Variants in PCDHA4 observed in about 807,000 individuals in gnomAD.
The protein encoded by PCDHA4 is protocadherin alpha 4.
PCDHA4 carries 49 observed loss-of-function variants against 61.4 expected under a neutral mutation model. The ratio of observed to expected loss-of-function variants is 0.80; its 90% CI spans 0.63 to 1.01. The LOEUF (loss-of-function observed/expected upper bound fraction) is 1.01, where lower values mean the gene tolerates loss of function less well. Ranked by LOEUF, PCDHA4 falls within the 50% of genes least tolerant of loss-of-function variation. The pLI is 0.00. For missense variants in PCDHA4, 1,254 were observed against 1,235.8 expected, an observed-to-expected ratio of 1.01 and a Z score of -0.22; for synonymous variants, 590 against 550.3, an observed-to-expected ratio of 1.07 and a Z score of -1.01.
chr5:140,896,283 T>TG (rs1440417603), intron 1 of PCDHA4, among the ~76,000 whole-genome samples: 4 of 152,258 alleles, frequency 2.6e-5, no homozygotes, highest in Admixed American at 6.5e-5. Context: ...CTGGCTTGAA[T>TG]GGTAAGTTCT....
At chr5:140,835,531 G>C (rs2150237714) in intron 1 of PCDHA4, 1 of 1,613,964 alleles carries the variant, frequency 6.2e-7, no homozygotes, top group Admixed American at 1.7e-5. Flanking sequence ...GGAGTCAACG[G>C]ACAGGTTACC....
chr5:140,864,968 G>C (rs1354647495), intron 1 of PCDHA4: 1 of 152,146 alleles, frequency 6.6e-6, no homozygotes, highest in Non-Finnish European at 1.5e-5. Flanking sequence ...GAAGCCGAGG[G>C]AGGAGGATCG....
intron 1 of PCDHA4, chr5:140,969,003 G>A: frequency 6.2e-7 from 1 of 1,614,226 alleles, no homozygotes; most frequent in Admixed American, 1.7e-5. Context: ...GGAGGCTTCT[G>A]TGGAGTAAGG....
chr5:140,829,430 G>A (rs1554131952), intron 1 of PCDHA4: 2 of 1,613,974 alleles, frequency 1.2e-6, no homozygotes, highest in African/African-American at 1.3e-5. Context: ...GGAGGTGGCC[G>A]ACATGAATGA....
intron 1 of PCDHA4, chr5:140,829,501 G>A (rs2150169011): frequency 4.3e-6 from 7 of 1,613,442 alleles, no homozygotes; most frequent in Middle Eastern, 1.8e-4. Context: ...ACAACCCGCC[G>A]GGCTGCCACA....
At chr5:140,967,552 T>C (rs782453868) in intron 1 of PCDHA4, 2 of 1,613,908 alleles carry the variant, frequency 1.2e-6, no homozygotes, top group Non-Finnish European at 1.7e-6. Context: ...AGTCCACTTA[T>C]CGCGTCCAGC....
intron 1 of PCDHA4, among the ~76,000 whole-genome samples, chr5:140,898,035 T>G (rs1227571900): frequency 5.9e-5 from 9 of 152,120 alleles, no homozygotes; most frequent in African/African-American, 2.2e-4. Context: ...TTGATGGGGT[T>G]GTTTGTTTTT....
intron 1 of PCDHA4, chr5:140,929,124 C>T: frequency 6.2e-7 from 1 of 1,614,166 alleles, no homozygotes; most frequent in Non-Finnish European, 8.5e-7. Flanking sequence ...CCATAGATGT[C>T]ACTACAGTTG....
chr5:140,977,340 G>T (rs2096757114), intron 1 of PCDHA4, among the ~76,000 whole-genome samples: 1 of 152,198 alleles, frequency 6.6e-6, no homozygotes, highest in African/African-American at 2.4e-5. Context: ...GAGAGACGGT[G>T]ATGATGACTG....
chr5:141,009,745 A>G lies in PCDHA4; in HGVS notation c.2652A>G (p.Lys884=). The G allele has an allele frequency of 6.2e-7, 1 of 1,614,104 alleles. No individual in the cohort carries two copies. The highest frequency in any genetic ancestry group is 8.5e-7 in the Non-Finnish European group (1 of 1,180,006). The part of the protein sequence containing the change: ...KQSGPGELPD[K]FIIPGSPAII... ...CCGGTCCCGGTGAGTTGCCCGACAA[A>G]TTCATTATCCCAGGATCTCCTGCAA... Residue 884 remains lysine, a synonymous_variant, in exon 4 of 4, where the codon AAA becomes AAG. Coordinates refer to ENST00000530339, the MANE Select transcript of PCDHA4 (RefSeq NM_018907.4).
At chr5:140,888,613 A>C (rs782529480) in intron 1 of PCDHA4, among the ~76,000 whole-genome samples, 4 of 152,184 alleles carry the variant, frequency 2.6e-5, no homozygotes, top group Non-Finnish European at 5.9e-5. Flanking sequence ...TTAGTGTAGC[A>C]CTAATTCGGC....
At chr5:140,861,448 AC>A in intron 1 of PCDHA4, 2 of 493,166 alleles carry the variant, frequency 4.1e-6, no homozygotes, top group Non-Finnish European at 8.3e-6. Context: ...AGCCGCAGAA[AC>A]CTTCTGGAGG....
rs77078209 is a variant in PCDHA4 at position 140,927,973 on chromosome 5, C to T, written c.2386-50976C>T. ...CGCTGCCCCTGGCACAGTGATTGCT[C>T]TCTTTAGTGTAAAGGATGAAGACCT... On this transcript the variant is annotated intron_variant, in intron 1 of 3. Transcript: ENST00000530339. The T allele has an allele frequency of 1.9e-6, 3 of 1,614,216 alleles. No individual in the cohort carries two copies. The East Asian group carries it at 6.7e-5, about 36-fold the overall frequency.
intron 1 of PCDHA4, among the ~76,000 whole-genome samples, chr5:140,885,350 G>C (rs1050079674): frequency 6.6e-6 from 1 of 152,108 alleles, no homozygotes; most frequent in African/African-American, 2.4e-5. Context: ...ATTTCCAAAA[G>C]GTACTGGTGA....
At chr5:140,908,234 C>T (rs1262299431) in intron 1 of PCDHA4, among the ~76,000 whole-genome samples, 5 of 152,184 alleles carry the variant, frequency 3.3e-5, no homozygotes, top group Non-Finnish European at 7.3e-5. Context: ...CCTTAGTCTT[C>T]TCTTCCTCAT....
intron 1 of PCDHA4, chr5:140,828,775 G>A (rs1769936182): frequency 1.2e-6 from 2 of 1,614,158 alleles, no homozygotes; most frequent in South Asian, 2.2e-5. Context: ...CTGTTCAGCT[G>A]CTGGTCACAG....
chr5:140,856,660 T>C, intron 1 of PCDHA4: 1 of 1,597,974 alleles, frequency 6.3e-7, no homozygotes, highest in Non-Finnish European at 8.6e-7. Flanking sequence ...GTGAAGAAAA[T>C]CCTCAGCTAA....
intron 1 of PCDHA4, chr5:140,870,888 A>G: frequency 1.9e-6 from 3 of 1,613,936 alleles, no homozygotes; most frequent in Non-Finnish European, 2.5e-6. Context: ...AGGTGCGCGC[A>G]GTGGATGCGG....
chr5:140,927,821 T>C (rs1554205108), intron 1 of PCDHA4: 1 of 1,614,118 alleles, frequency 6.2e-7, no homozygotes, highest in South Asian at 1.1e-5. Context: ...GAGGCATACA[T>C]TGAGGCGAGG....
Sources: allele counts gnomAD v4.1 joint callset (sites outside exome capture counted in the v4.1 genomes callset), GRCh38; gene constraint gnomAD v4.1.1; transcripts MANE v1.5; gene names NCBI Gene and HGNC (gene_info 2026-07-23, HGNC 2026-07-21).